DHX58: variants seen among roughly 807,000 people sequenced by gnomAD.
The protein encoded by DHX58 is ATP-dependent RNA helicase DHX58.
A neutral mutation model predicts 65.0 loss-of-function variants in DHX58; 51 were observed. The observed-to-expected ratio is 0.78, with a 90% confidence interval of 0.63 to 0.99. The LOEUF is 0.99. Among genes scored for constraint, DHX58 ranks in the 50% least tolerant of loss-of-function variants. The pLI is 0.00. For missense variants in DHX58, 773 were observed against 891.8 expected (o/e 0.87, Z 1.70); for synonymous variants, 350 against 365.0 (o/e 0.96, Z 0.47).
At position 42,105,123 on chromosome 17, in the gene DHX58, C is replaced by T. The variant is rs1555662342; in HGVS notation, c.1296G>A (p.Leu432=). Residue 432 remains leucine (L), a synonymous_variant, in exon 10 of 14, where the codon CTG becomes CTA. Coordinates refer to ENST00000251642, the MANE Select transcript of DHX58 (RefSeq NM_024119.3). ...CCACACTCGTGGCCACCAGAAGGTT[C>T]AGGGTTCCATCTTGGAACTTCTGGA... The part of the protein sequence containing the change: ...EVIQKFQDGT[L]NLLVATSVAE... 1 of 1,614,000 alleles carries T rather than the reference C, an allele frequency of 6.2e-7. No homozygotes were observed.
chr17:42,111,335 G>C lies in DHX58; in HGVS notation c.331C>G (p.Leu111Val). The change falls in exon 4 of 14, where the codon CTG (leucine) becomes GTG (valine). Residue 111 changes from leucine to valine, a missense_variant. Coordinates refer to ENST00000251642, the MANE Select transcript of DHX58 (RefSeq NM_024119.3). ...ICTAELLQMA[L>V]TSPEEEEHVE... ...TGCTCCTCCTCCTCGGGGCTGGTCA[G>C]TGCCATCTGCAGAAGCTCTGCTGTG... The C allele has an allele frequency of 6.2e-7, 1 of 1,614,084 alleles. No homozygotes were observed. The highest frequency in any genetic ancestry group is 1.1e-5 in the South Asian group (1 of 91,084).
intron 11 of DHX58, among the ~76,000 whole-genome samples, 169 bp downstream of exon 11, chr17:42,104,597 C>T (rs1170814003): frequency 6.6e-6 from 1 of 152,188 alleles, no homozygotes; most frequent in African/African-American, 2.4e-5. Context: ...CAGGTACTGC[C>T]TTCCCTGGCA....
chr17:42,107,145 T>A (rs1421908482), intron 8 of DHX58, among the ~76,000 whole-genome samples: 2 of 152,080 alleles, frequency 1.3e-5, no homozygotes, highest in African/African-American at 2.4e-5. Flanking sequence ...GAGGATCACT[T>A]GAGCCCAGGA....
intron 13 of DHX58, 57 bp from the exon 14 acceptor site, chr17:42,102,003 C>G (rs2053986733): frequency 1.3e-6 from 2 of 1,539,332 alleles, no homozygotes; most frequent in Non-Finnish European, 1.8e-6. Context: ...CTGGGCTTCT[C>G]TCCTCAAGTT....
intron 6 of DHX58, 146 bp from the exon 7 acceptor site, chr17:42,108,254 A>G (rs1669680478): frequency 7.6e-7 from 1 of 1,308,086 alleles, no homozygotes; most frequent in African/African-American, 1.5e-5. Flanking sequence ...GAGGCCGGCT[A>G]GGGTGTGGGG....
At chr17:42,103,041 G>A (rs9906599) in intron 12 of DHX58, among the ~76,000 whole-genome samples, 5,091 of 151,992 alleles carry the variant, frequency 0.033, 155 homozygotes, top group African/African-American at 0.084. Context: ...ACCCACCTCC[G>A]CCTCCCAAAG....
In DHX58 at chr17:42,103,815, C is replaced by T; in HGVS notation, c.1564-17G>A. 6.3e-7 allele frequency: 1 copy of T among 1,597,636 alleles called. No homozygotes were observed. The highest frequency in any genetic ancestry group is 1.1e-5 in the South Asian group (1 of 90,906). ...ATCCCGGATCTGGGGTGGGAGGAGA[C>T]ACCAGGCATGGCTGGGGCCTAAGAG... On this transcript the variant is annotated splice_polypyrimidine_tract_variant and intron_variant, in intron 11 of 13. Coordinates refer to ENST00000251642, the MANE Select transcript of DHX58 (RefSeq NM_024119.3).
chr17:42,109,460 G>T, intron 5 of DHX58, 74 bp from the exon 6 acceptor site: 3 of 1,256,006 alleles, frequency 2.4e-6, no homozygotes, highest in Non-Finnish European at 2.3e-6. Flanking sequence ...GGGCAGGATG[G>T]ATCCCAGCTG....
Position 42,103,462 on chromosome 17 carries a change from CA to C in DHX58, c.1754+145del, listed in dbSNP as rs1196750776. On this transcript the variant is annotated intron_variant, in intron 12 of 13. Transcript: ENST00000251642. Reference sequence around the variant, plus strand: ...TATTTCCTTGCCTGTAAAATGGAGACAGGGATAAAACCTGTCTAACCAGATT... The same window carrying C: ...TATTTCCTTGCCTGTAAAATGGAGACGGGATAAAACCTGTCTAACCAGATT... 11 of 1,035,164 alleles carry C rather than the reference CA, an allele frequency of 1.1e-5. No individual in the cohort carries two copies. In the Admixed American group the frequency reaches 3.1e-4, roughly 29 times the overall value. 64.1% of individuals were successfully genotyped at this position (1,035,164 alleles called of 1,614,324 possible). A position where few individuals can be genotyped will look rare whatever the true frequency, so the allele number is the denominator to read the frequency against.
chr17:42,110,935 C>CT (rs1190201767), intron 4 of DHX58, 22 bp from the exon 5 acceptor site: 46 of 1,569,628 alleles, frequency 2.9e-5, no homozygotes, highest in Non-Finnish European at 3.8e-5. Flanking sequence ...GGGGGGAAGG[C>CT]TGTGACCTAT....
At chr17:42,108,153 G>A in intron 6 of DHX58, 45 bp from the exon 7 acceptor site, 1 of 1,613,326 alleles carries the variant, frequency 6.2e-7, no homozygotes. Context: ...CACGTTGGAG[G>A]ATGGGCACCC....
rs782678654 is a variant in DHX58 at position 42,103,724 on chromosome 17, C to G, written c.1638G>C (p.Gln546His). Residue 546 changes from glutamine (Q) to histidine (H), a missense_variant, in exon 12 of 14, where the codon CAG becomes CAC. Transcript: ENST00000251642. ...GTAGCTGCACGTGCTCCACTGGGAA[C>G]TGCTGCCGCTGGTTCTCCCGCTGGG... ...QAAQRENQRQ[Q>H]FPVEHVQLLC... 2 of 1,613,568 alleles carry G rather than the reference C, an allele frequency of 1.2e-6. No homozygotes were observed. The highest frequency in any genetic ancestry group is 2.2e-5 in the South Asian group (2 of 91,078).
intron 1 of DHX58, 87 bp downstream of exon 1, chr17:42,112,518 G>GT: frequency 1.6e-5 from 1 of 62,574 alleles, no homozygotes; most frequent in Non-Finnish European, 2.6e-5. Context: ...GAGGGAGGTG[G>GT]GGGGGGGGAC....
Position 42,104,644 on chromosome 17 carries a change from G to A in DHX58, c.1563+122C>T, listed in dbSNP as rs141337053. 5.9e-6 allele frequency: 8 copies of A among 1,356,030 alleles called. No homozygotes were observed. The East Asian group carries it at 1.9e-4, about 33-fold the overall frequency. 84.0% of individuals were successfully genotyped at this position (1,356,030 alleles called of 1,614,324 possible). A position where few individuals can be genotyped will look rare whatever the true frequency, so the allele number is the denominator to read the frequency against. On this transcript the variant is annotated intron_variant, in intron 11 of 13. Transcript: ENST00000251642. Reference sequence around the variant, plus strand: ...GCCCTTATTTAAACCTTCCCTAGGTGGCCAAAGTTAGCCCCGAGATGTAGA... The same window carrying A: ...GCCCTTATTTAAACCTTCCCTAGGTAGCCAAAGTTAGCCCCGAGATGTAGA...
intron 5 of DHX58, among the ~76,000 whole-genome samples, chr17:42,109,666 C>A (rs529372375): frequency 2.0e-5 from 3 of 152,136 alleles, no homozygotes; most frequent in Admixed American, 6.5e-5. Context: ...GAGGCCAAGG[C>A]GGGCGGGTCA....
rs1278761831 is a variant in DHX58, at chr17:42,105,749, G to A, written c.1238C>T (p.Thr413Ile). ...LIGAGNSSQS[T>I]HMTQRDQQEV... Reference sequence around the variant, plus strand: ...CGAAGCCCACACCTGGGTCATGTGGGTGCTCTGGCTGCTGTTCCCAGCCCC... The same window carrying A: ...CGAAGCCCACACCTGGGTCATGTGGATGCTCTGGCTGCTGTTCCCAGCCCC... Residue 413 changes from threonine (T) to isoleucine (I), a missense_variant, in exon 9 of 14, where the codon ACC becomes ATC. Transcript: ENST00000251642. 4 of 1,582,120 alleles carry A rather than the reference G, an allele frequency of 2.5e-6. No individual in the cohort carries two copies. The East Asian group carries it at 6.8e-5, about 27-fold the overall frequency.
intron 11 of DHX58, 145 bp downstream of exon 11, chr17:42,104,621 C>G: frequency 9.2e-7 from 1 of 1,082,168 alleles, no homozygotes; most frequent in Non-Finnish European, 1.3e-6. Flanking sequence ...CCACCCCGGC[C>G]CTTATTTAAA....
intron 9 of DHX58, 85 bp downstream of exon 9, chr17:42,105,651 C>A: frequency 2.0e-6 from 3 of 1,485,132 alleles, no homozygotes; most frequent in Non-Finnish European, 2.7e-6. Context: ...CCTGCCCCCA[C>A]CTCTCTGTGC....
In DHX58 at chr17:42,107,584, A is replaced by G; in HGVS notation, c.997+20T>C. On this transcript the variant is annotated intron_variant, in intron 8 of 13. Coordinates refer to ENST00000251642, the MANE Select transcript of DHX58 (RefSeq NM_024119.3). ...CAGGTCCCATCATCCCCGGCCCCGAAGCCCCCTCCCGCCCCTCACCATCGA... is the reference window on the plus strand; with the variant it reads ...CAGGTCCCATCATCCCCGGCCCCGAGGCCCCCTCCCGCCCCTCACCATCGA... The G allele has an allele frequency of 6.5e-7, 1 of 1,547,638 alleles. No homozygotes were observed. Among genetic ancestry groups the G allele is most frequent in the Non-Finnish European group, 8.8e-7 (1 of 1,142,834 alleles).
Sources: allele counts gnomAD v4.1 joint callset (sites outside exome capture counted in the v4.1 genomes callset), GRCh38; gene constraint gnomAD v4.1.1; transcripts MANE v1.5; gene names NCBI Gene and HGNC (gene_info 2026-07-23, HGNC 2026-07-21).